Variants in SPIN1 observed in about 807,000 individuals in gnomAD.
SPIN1 encodes spindlin-1.
SPIN1 carries 3 observed loss-of-function variants against 26.0 expected under a neutral mutation model. That is an observed-to-expected ratio of 0.12 (90% CI 0.05 to 0.30). The LOEUF is 0.30. Among genes scored for constraint, SPIN1 ranks in the 10% least tolerant of loss-of-function variants. The pLI is 1.00. For missense variants in SPIN1, 126 were observed against 333.4 expected, an observed-to-expected ratio of 0.38 and a Z score of 4.84; for synonymous variants, 101 against 116.5, an observed-to-expected ratio of 0.87 and a Z score of 0.86.
At chr9:88,401,467 T>C (rs1195329809) in intron 1 of SPIN1, among the ~76,000 whole-genome samples, 1 of 152,188 alleles carries the variant, frequency 6.6e-6, no homozygotes, top group Non-Finnish European at 1.5e-5. Context: ...CCAAAATCCA[T>C]GGATGCTCAA....
intron 3 of SPIN1, among the ~76,000 whole-genome samples, chr9:88,451,493 A>G (rs536143040): frequency 5.3e-4 from 80 of 152,284 alleles, no homozygotes; most frequent in Non-Finnish European, 8.4e-4. Flanking sequence ...AAACTGGTGG[A>G]TACACCTTTC....
chr9:88,409,370 A>G (rs893652766), intron 1 of SPIN1, among the ~76,000 whole-genome samples: 2 of 150,882 alleles, frequency 1.3e-5, no homozygotes, highest in South Asian at 2.1e-4. Context: ...GTGTGTGTGT[A>G]TACACACGTG....
intron 1 of SPIN1, among the ~76,000 whole-genome samples, chr9:88,401,911 G>C (rs1827195071): frequency 6.6e-6 from 1 of 152,126 alleles, no homozygotes; most frequent in Admixed American, 6.6e-5. Flanking sequence ...ATCTTTATGG[G>C]ATGCATATGA....
At chr9:88,411,468 G>T in intron 1 of SPIN1, 2 of 1,134,666 alleles carry the variant, frequency 1.8e-6, no homozygotes, top group Non-Finnish European at 2.6e-6. Flanking sequence ...AGACATGATG[G>T]CATGGAGAAG....
At chr9:88,390,084 A>C (rs1057016578) in intron 1 of SPIN1, among the ~76,000 whole-genome samples, 1 of 152,192 alleles carries the variant, frequency 6.6e-6, no homozygotes, top group Admixed American at 6.5e-5. Flanking sequence ...TAGGAAAAAT[A>C]GTTTCTTTAT....
chr9:88,410,801 T>G, intron 1 of SPIN1: 1 of 997,582 alleles, frequency 1.0e-6, no homozygotes, highest in South Asian at 1.3e-5. Context: ...CCATGACCAC[T>G]GAAGTTTCCT....
At chr9:88,441,573 T>C (rs911604620) in intron 2 of SPIN1, among the ~76,000 whole-genome samples, 13 of 151,618 alleles carry the variant, frequency 8.6e-5, no homozygotes, top group African/African-American at 3.2e-4. Context: ...GTCTGGGCAA[T>C]GTAGTGAGAC....
At chr9:88,390,034 ATG>A (rs1327759027) in intron 1 of SPIN1, among the ~76,000 whole-genome samples, 2 of 152,220 alleles carry the variant, frequency 1.3e-5, no homozygotes, top group African/African-American at 4.8e-5. Context: ...GTTGTAAAGA[ATG>A]TGTATGCCAG....
intron 1 of SPIN1, among the ~76,000 whole-genome samples, chr9:88,394,643 G>A (rs1017232736): frequency 2.0e-5 from 3 of 151,978 alleles, no homozygotes; most frequent in Non-Finnish European, 4.4e-5. Context: ...TTTGGTTATG[G>A]TTTTTTCCTT....
chr9:88,472,434 A>G (rs978918484), intron 5 of SPIN1, among the ~76,000 whole-genome samples: 2 of 150,492 alleles, frequency 1.3e-5, no homozygotes, highest in East Asian at 2.0e-4. Flanking sequence ...GCGTTTCACC[A>G]TGTTGACCAG....
chr9:88,461,536 A>G (rs778504870), intron 3 of SPIN1, among the ~76,000 whole-genome samples: 47 of 152,212 alleles, frequency 3.1e-4, no homozygotes, highest in Non-Finnish European at 5.6e-4. Flanking sequence ...GTTACAACCT[A>G]CAATAAATTG....
At chr9:88,410,515 G>A in intron 1 of SPIN1, 1 of 786,254 alleles carries the variant, frequency 1.3e-6, no homozygotes, top group Non-Finnish European at 2.3e-6. Flanking sequence ...CTCCTGCTAA[G>A]CTTTGTTACC....
At chr9:88,415,435 AT>A (rs1435142478) in intron 1 of SPIN1, among the ~76,000 whole-genome samples, 5 of 151,996 alleles carry the variant, frequency 3.3e-5, no homozygotes, top group Non-Finnish European at 7.4e-5. Flanking sequence ...TGTAACATTT[AT>A]TTTTTGAGAA....
chr9:88,459,382 G>A (rs1034735715), intron 3 of SPIN1, among the ~76,000 whole-genome samples: 2 of 152,168 alleles, frequency 1.3e-5, no homozygotes, highest in African/African-American at 4.8e-5. Flanking sequence ...AGATTATGCA[G>A]ATGTCTAGAA....
At chr9:88,449,583 A>G (rs562851284) in intron 3 of SPIN1, among the ~76,000 whole-genome samples, 208 of 151,970 alleles carry the variant, frequency 1.4e-3, no homozygotes, top group African/African-American at 4.9e-3. Context: ...TTTTTTCCCT[A>G]ATTTTTTTTT....
At chr9:88,410,721 TC>T in intron 1 of SPIN1, 1 of 1,418,530 alleles carries the variant, frequency 7.0e-7, no homozygotes, top group Non-Finnish European at 9.8e-7. Context: ...CATTGTAGCT[TC>T]CACCACCTCC....
chr9:88,418,718 AT>A (rs1252069484), intron 1 of SPIN1: 1 of 152,212 alleles, frequency 6.6e-6, no homozygotes, highest in Non-Finnish European at 1.5e-5. Flanking sequence ...ATACATTGTC[AT>A]TGATTTCTTG....
intron 1 of SPIN1, among the ~76,000 whole-genome samples, chr9:88,395,853 C>A (rs1827040873): frequency 6.6e-6 from 1 of 151,706 alleles, no homozygotes; most frequent in Admixed American, 6.6e-5. Context: ...TCAAGAACAG[C>A]CTGACCAACG....
In SPIN1 at chr9:88,388,467, G is replaced by A. The variant is rs1179467954; in HGVS notation, c.-230G>A. ...GGGAGGCGCCGTCTGGCTCAGGCTG[G>A]GGCCGGCGGGAGCGCGAACGAGCGA... On this transcript the variant is annotated 5_prime_UTR_variant, in exon 1 of 6. Transcript: ENST00000375859. 1 of 147,968 alleles carries A rather than the reference G, an allele frequency of 6.8e-6. No homozygotes were observed. The highest frequency in any genetic ancestry group is 1.5e-5 in the Non-Finnish European group (1 of 66,504). The allele number at this position is 147,968 out of a possible 1,614,324, so 9.2% of individuals were successfully genotyped here. A position where few individuals can be genotyped will look rare whatever the true frequency, so the allele number is the denominator to read the frequency against.
Sources: allele counts gnomAD v4.1 joint callset (sites outside exome capture counted in the v4.1 genomes callset), GRCh38; gene constraint gnomAD v4.1.1; transcripts MANE v1.5; gene names NCBI Gene and HGNC (gene_info 2026-07-23, HGNC 2026-07-21).